Variants in ZNF684 observed in about 807,000 individuals in gnomAD.
ZNF684 encodes the protein hypothetical protein MGC27466.
ZNF684 carries 13 observed loss-of-function variants against 12.8 expected under a neutral mutation model. That is an observed-to-expected ratio of 1.02 (90% CI 0.66 to 1.62). The LOEUF is 1.62. ZNF684 is among the 40% of genes most tolerant of loss of function. The pLI is 0.00. For synonymous variants in ZNF684, 118 were observed against 151.8 expected, an observed-to-expected ratio of 0.78 and a Z score of 1.64; for missense variants, 384 against 446.9, an observed-to-expected ratio of 0.86 and a Z score of 1.27.
At chr1:40,545,926 T>C (rs1317616155) in intron 4 of ZNF684, among the ~76,000 whole-genome samples, 3 of 136,066 alleles carry the variant, frequency 2.2e-5, no homozygotes, top group Non-Finnish European at 3.2e-5. Flanking sequence ...TTTTTTTTTT[T>C]TTTTTTTTTT....
At chr1:40,534,263 C>T (rs1408612525) in intron 2 of ZNF684, among the ~76,000 whole-genome samples, 2 of 108,666 alleles carry the variant, frequency 1.8e-5, no homozygotes, top group East Asian at 5.8e-4. Flanking sequence ...TTTTTTGAGA[C>T]AGAGTTTCAC....
chr1:40,545,476 T>A (rs906006570), intron 4 of ZNF684, among the ~76,000 whole-genome samples: 7 of 152,164 alleles, frequency 4.6e-5, no homozygotes, highest in Non-Finnish European at 8.8e-5. Flanking sequence ...ATGACAGGTA[T>A]TTTTCATATA....
intron 2 of ZNF684, among the ~76,000 whole-genome samples, chr1:40,536,411 A>C (rs1645985696): frequency 9.1e-6 from 1 of 109,626 alleles, no homozygotes; most frequent in African/African-American, 3.0e-5. Context: ...AAAAAAAAAG[A>C]AAAAAAAAAG....
chr1:40,541,229 C>T (rs1406461887), intron 3 of ZNF684: 19 of 153,068 alleles, frequency 1.2e-4, no homozygotes, highest in Admixed American at 9.1e-4. Flanking sequence ...GAGTCTCGCT[C>T]TGTCACCCAG....
At position 40,541,709 on chromosome 1, in the gene ZNF684, A is replaced by T. The variant is rs751443051; in HGVS notation, c.237A>T (p.Pro79=). ...VEGANPHESS[P]ESDYPLVDEP... ...GAGCGAATCCACACGAGAGCTCTCCAGGTGAGTGAGAGAAATTCAGATGGG... is the reference window on the plus strand; with the variant it reads ...GAGCGAATCCACACGAGAGCTCTCCTGGTGAGTGAGAGAAATTCAGATGGG... Residue 79 remains proline, a splice_region_variant and synonymous_variant, in exon 4 of 5, where the codon CCA becomes CCT. Coordinates refer to ENST00000372699, the MANE Select transcript of ZNF684 (RefSeq NM_152373.4). The T allele has an allele frequency of 6.2e-7, 1 of 1,611,916 alleles. No individual in the cohort carries two copies. The highest frequency in any genetic ancestry group is 2.2e-5 in the East Asian group (1 of 44,810).
intron 2 of ZNF684, among the ~76,000 whole-genome samples, chr1:40,534,036 C>G (rs1645971529): frequency 6.6e-6 from 1 of 151,624 alleles, no homozygotes; most frequent in Non-Finnish European, 1.5e-5. Flanking sequence ...GTTGACCAGG[C>G]TGGTCTCGAA....
At chr1:40,535,722 C>A (rs1156669213) in intron 2 of ZNF684, among the ~76,000 whole-genome samples, 3 of 152,008 alleles carry the variant, frequency 2.0e-5, no homozygotes, top group African/African-American at 7.3e-5. Flanking sequence ...ATCTTGCCAC[C>A]CTTAATATAC....
intron 4 of ZNF684, among the ~76,000 whole-genome samples, chr1:40,543,131 GC>G (rs1451161463): frequency 6.6e-6 from 1 of 152,096 alleles, no homozygotes; most frequent in Admixed American, 6.5e-5. Context: ...AGCTTCCCAA[GC>G]AGCTGGGACC....
At chr1:40,539,553 A>G (rs938262473) in intron 2 of ZNF684, among the ~76,000 whole-genome samples, 8 of 152,128 alleles carry the variant, frequency 5.3e-5, no homozygotes, top group Non-Finnish European at 1.2e-4. Context: ...CCATTTTGCA[A>G]TCCCAGTGTA....
chr1:40,539,740 A>C (rs1423200661), intron 2 of ZNF684, among the ~76,000 whole-genome samples: 3 of 150,120 alleles, frequency 2.0e-5, no homozygotes, highest in East Asian at 2.0e-4. Flanking sequence ...TTTTCTTTTT[A>C]TTTTTTTTTC....
Position 40,534,848 on chromosome 1 carries a change from C to T in ZNF684, c.15+1667C>T, listed in dbSNP as rs375259393. On this transcript the variant is annotated intron_variant, in intron 2 of 4. Coordinates refer to ENST00000372699, the MANE Select transcript of ZNF684 (RefSeq NM_152373.4). Reference sequence around the variant, plus strand: ...TCTCTAGAAAAAAAAAATTAATTAGCATGGCATGATGGCACACACCTGTAG... The same window carrying T: ...TCTCTAGAAAAAAAAAATTAATTAGTATGGCATGATGGCACACACCTGTAG... Among the ~76,000 whole-genome samples the T allele has an allele frequency of 8.6e-5, 13 of 151,944 alleles. No individual in the cohort carries two copies. The South Asian group carries it at 1.7e-3, about 19-fold the overall frequency.
intron 1 of ZNF684, among the ~76,000 whole-genome samples, chr1:40,532,171 A>G (rs1233564549): frequency 1.3e-5 from 2 of 152,190 alleles, no homozygotes; most frequent in Non-Finnish European, 2.9e-5. Flanking sequence ...GGGATCCAGG[A>G]AGAAAGCATT....
Position 40,546,760 on chromosome 1 carries a change from T to A in ZNF684, c.437T>A (p.Leu146Ter), listed in dbSNP as rs1437364009. 1.2e-6 allele frequency: 2 copies of A among 1,612,866 alleles called. No individual in the cohort carries two copies. Among genetic ancestry groups the A allele is most frequent in the African/African-American group, 2.7e-5 (2 of 74,836 alleles). Residue 146 changes from leucine to a stop codon, truncating the protein, a stop_gained, in exon 5 of 5, where the codon TTA (leucine) becomes TAA (stop). Transcript: ENST00000372699. LOFTEE classifies it low-confidence loss of function (END_TRUNC). Reference sequence around the variant, plus strand: ...AAGTGTTTGCCACCTAATTTAGACTTACTTAAATATAATAGAAGTTATACT... The same window carrying A: ...AAGTGTTTGCCACCTAATTTAGACTAACTTAAATATAATAGAAGTTATACT... Reference protein sequence around the residue: ...FEKCLPPNLDLLKYNRSYTVE... With the variant: ...FEKCLPPNLD
intron 4 of ZNF684, among the ~76,000 whole-genome samples, chr1:40,543,185 T>C (rs1646025614): frequency 6.6e-6 from 1 of 152,210 alleles, no homozygotes; most frequent in South Asian, 2.1e-4. Context: ...TAATTACTGA[T>C]ATTGTATCTA....
At chr1:40,538,629 G>A (rs1283144049) in intron 2 of ZNF684, among the ~76,000 whole-genome samples, 5 of 151,592 alleles carry the variant, frequency 3.3e-5, no homozygotes, top group African/African-American at 7.3e-5. Flanking sequence ...AGGCTGAGGC[G>A]GGTGGATCAC....
intron 4 of ZNF684, among the ~76,000 whole-genome samples, chr1:40,542,335 T>G (rs770725387): frequency 5.3e-5 from 8 of 152,180 alleles, no homozygotes; most frequent in South Asian, 2.1e-4. Context: ...TTTAACTTAT[T>G]CCTTTTCTTG....
At chr1:40,535,771 C>T (rs894830814) in intron 2 of ZNF684, among the ~76,000 whole-genome samples, 85 of 152,248 alleles carry the variant, frequency 5.6e-4, no homozygotes, top group African/African-American at 1.7e-3. Context: ...CAGTACTGAA[C>T]TATCTATACA....
chr1:40,536,397 A>C (rs1312895130), intron 2 of ZNF684, among the ~76,000 whole-genome samples: 4 of 142,710 alleles, frequency 2.8e-5, no homozygotes, highest in East Asian at 3.9e-4. Context: ...CCGTCTCACA[A>C]AAAAAAAAAA....
chr1:40,539,498 A>G (rs958317217), intron 2 of ZNF684, among the ~76,000 whole-genome samples: 1 of 152,046 alleles, frequency 6.6e-6, no homozygotes, highest in East Asian at 1.9e-4. Flanking sequence ...GCAAGACCCT[A>G]TATCAAATAA....
Sources: gnomAD v4.1 joint callset for allele counts (sites outside exome capture counted in the v4.1 genomes callset) on GRCh38, gnomAD v4.1.1 for gene constraint, MANE v1.5 for transcripts, NCBI Gene and HGNC (gene_info 2026-07-23, HGNC 2026-07-21) for gene names.